WDR88: variants seen among roughly 807,000 people sequenced by gnomAD.
WDR88 encodes the protein WD repeat-containing protein 88.
A neutral mutation model predicts 46.8 loss-of-function variants in WDR88; 40 were observed. The ratio of observed to expected loss-of-function variants is 0.86; its 90% CI spans 0.66 to 1.11. The LOEUF (loss-of-function observed/expected upper bound fraction) is 1.11, where lower values mean the gene tolerates loss of function less well. Among genes scored for constraint, WDR88 ranks in the 50% most tolerant of loss-of-function variants. The pLI is 0.00. For missense variants in WDR88, 562 were observed against 602.4 expected (o/e 0.93, Z 0.70); for synonymous variants, 235 against 240.7 (o/e 0.98, Z 0.22).
chr19:33,173,725 GT>G (rs1422585301), intron 10 of WDR88, among the ~76,000 whole-genome samples: 1 of 152,238 alleles, frequency 6.6e-6, no homozygotes, highest in Non-Finnish European at 1.5e-5. Context: ...GATGGCCCTT[GT>G]TTTTCACTGG....
At position 33,132,140 on chromosome 19, in the gene WDR88, T is replaced by G. The variant is rs376223582; in HGVS notation, c.-30T>G. 3.4e-3 allele frequency: 5,240 copies of G among 1,558,072 alleles called. 7 individuals carry two copies. Among genetic ancestry groups the G allele is most frequent in the Non-Finnish European group, 3.9e-3 (4,505 of 1,156,458 alleles). On this transcript the variant is annotated 5_prime_UTR_variant, in exon 1 of 11. Transcript: ENST00000355868. The stretch of plus-strand genomic sequence containing the variant: ...GCGCCACCGTTCCCATCCAGGCTTG[T>G]CGGCGGCCACCGGCGGACCGGGCTT...
intron 1 of WDR88, among the ~76,000 whole-genome samples, chr19:33,133,796 T>C (rs574743923): frequency 6.6e-6 from 1 of 152,288 alleles, no homozygotes; most frequent in South Asian, 2.1e-4. Flanking sequence ...ATCTTGGCGG[T>C]TCCCTGCCCC....
intron 7 of WDR88, among the ~76,000 whole-genome samples, chr19:33,157,994 G>A (rs1465356702): frequency 6.6e-6 from 1 of 151,934 alleles, no homozygotes; most frequent in African/African-American, 2.4e-5. Flanking sequence ...TGATGCAGAG[G>A]GACTAAGAGT....
At chr19:33,156,670 C>A in intron 7 of WDR88, 128 bp downstream of exon 7, 5 of 1,125,822 alleles carry the variant, frequency 4.4e-6, no homozygotes, top group Middle Eastern at 3.1e-4. Flanking sequence ...TTCTTCCCCA[C>A]GAGAACAAAA....
Position 33,172,383 on chromosome 19 carries a change from T to G in WDR88, c.1185T>G (p.Ile395Met), listed in dbSNP as rs772254326. 4.3e-6 allele frequency: 7 copies of G among 1,614,056 alleles called. No homozygotes were observed. Among genetic ancestry groups the G allele is most frequent in the Admixed American group, 1.7e-5 (1 of 60,006 alleles). ...RTMRLWNIEE[I>M]DEIPLVIKYK... ...TGAGACTGTGGAATATTGAAGAAAT[T>G]GATGAAATTCCTTTGGTAATCAAGT... Residue 395 changes from isoleucine (I) to methionine (M), a missense_variant, in exon 10 of 11, where the codon ATT (isoleucine) becomes ATG (methionine). By Grantham distance (10) the Ile-to-Met change is conservative. Transcript: ENST00000355868.
At chr19:33,134,895 C>T (rs1973226260) in intron 1 of WDR88, among the ~76,000 whole-genome samples, 1 of 148,010 alleles carries the variant, frequency 6.8e-6, no homozygotes, top group Non-Finnish European at 1.5e-5. Flanking sequence ...CGCCCTGAAC[C>T]GTCGCATCCC....
intron 2 of WDR88, among the ~76,000 whole-genome samples, chr19:33,144,085 T>G (rs1973458868): frequency 6.6e-6 from 1 of 152,204 alleles, no homozygotes; most frequent in African/African-American, 2.4e-5. Flanking sequence ...TTGGTGTCAC[T>G]GTCGAGTCTA....
intron 9 of WDR88, among the ~76,000 whole-genome samples, chr19:33,169,666 C>CAAAAAA (rs33941385): frequency 1.1e-4 from 9 of 81,744 alleles, no homozygotes; most frequent in South Asian, 4.5e-4. Context: ...GACCCAGTCT[C>CAAAAAA]AAAAAAAAAA....
At chr19:33,174,173 G>A in intron 10 of WDR88, 1 of 1,536,040 alleles carries the variant, frequency 6.5e-7, no homozygotes, top group Non-Finnish European at 8.7e-7. Flanking sequence ...TCTATTTCTT[G>A]CAAAAAAGGA....
At chr19:33,144,779 G>A (rs1973476584) in intron 2 of WDR88, 65 bp from the exon 3 acceptor site, 1 of 1,489,592 alleles carries the variant, frequency 6.7e-7, no homozygotes, top group Non-Finnish European at 9.3e-7. Context: ...TGTTGACCTC[G>A]ATTTACGACT....
intron 6 of WDR88, among the ~76,000 whole-genome samples, chr19:33,153,588 G>A (rs1418344247): frequency 1.3e-5 from 2 of 151,934 alleles, no homozygotes; most frequent in Admixed American, 6.6e-5. Flanking sequence ...TCCGCCTCCC[G>A]GGTTCAAGCA....
At position 33,137,765 on chromosome 19, in the gene WDR88, A is replaced by G. The variant is rs1599879524; in HGVS notation, c.365A>G (p.Tyr122Cys). Residue 122 changes from tyrosine to cysteine, a missense_variant, in exon 2 of 11, where the codon TAT becomes TGT. Transcript: ENST00000355868. ...GACACAAAGCTCCTCAGTGGCTCCT[A>G]TGACTGCACTGTGAAGCTGTGGGTA... The part of the protein sequence containing the change: ...VDDTKLLSGS[Y>C]DCTVKLWDPV... The G allele has an allele frequency of 6.2e-7, 1 of 1,613,508 alleles. No homozygotes were observed. The highest frequency in any genetic ancestry group is 8.5e-7 in the Non-Finnish European group (1 of 1,179,962).
intron 1 of WDR88, 79 bp from the exon 2 acceptor site, chr19:33,137,598 T>C: frequency 7.7e-7 from 1 of 1,306,050 alleles, no homozygotes; most frequent in Non-Finnish European, 1.1e-6. Flanking sequence ...TTGCAAGTGT[T>C]TAGAAATATA....
chr19:33,163,451 G>A (rs1376561895), intron 8 of WDR88, among the ~76,000 whole-genome samples: 2 of 151,780 alleles, frequency 1.3e-5, no homozygotes, highest in Non-Finnish European at 1.5e-5. Flanking sequence ...AGTGGAGATT[G>A]CACCATTGCA....
intron 2 of WDR88, among the ~76,000 whole-genome samples, chr19:33,140,262 C>T (rs1358408933): frequency 6.6e-6 from 1 of 152,152 alleles, no homozygotes; most frequent in Admixed American, 6.6e-5. Context: ...TCAAGCAATC[C>T]CCCCATCTCA....
intron 7 of WDR88, among the ~76,000 whole-genome samples, chr19:33,159,573 C>A (rs1331381290): frequency 6.6e-6 from 1 of 151,954 alleles, no homozygotes; most frequent in East Asian, 1.9e-4. Context: ...ACACATAAAA[C>A]AAAGTTACGT....
chr19:33,159,743 T>C (rs914004157), intron 7 of WDR88, among the ~76,000 whole-genome samples: 21 of 152,142 alleles, frequency 1.4e-4, no homozygotes, highest in Non-Finnish European at 2.2e-4. Flanking sequence ...AAGACAACTT[T>C]TCCACAAATG....
intron 5 of WDR88, among the ~76,000 whole-genome samples, chr19:33,149,247 C>A (rs759934468): frequency 1.3e-5 from 2 of 151,960 alleles, no homozygotes. Context: ...CACTTGAACC[C>A]GGAGGTGGAG....
rs1436511409 is a variant in WDR88, at chr19:33,156,337, C to A, written c.810-18C>A. ...GGAGCAAAGCGCTAATGTGTGCACC[C>A]CACCATCTGTGTTTCAGGGCACATT... On this transcript the variant is annotated intron_variant, in intron 6 of 10. Coordinates refer to ENST00000355868, the MANE Select transcript of WDR88 (RefSeq NM_173479.4). The A allele has an allele frequency of 6.2e-7, 1 of 1,612,302 alleles. No homozygotes were observed. The highest frequency in any genetic ancestry group is 8.5e-7 in the Non-Finnish European group (1 of 1,179,170).
Sources: allele counts gnomAD v4.1 joint callset (sites outside exome capture counted in the v4.1 genomes callset), GRCh38; gene constraint gnomAD v4.1.1; transcripts MANE v1.5; gene names NCBI Gene and HGNC (gene_info 2026-07-23, HGNC 2026-07-21).